The following ACTL8 variants were observed in gnomAD, a reference collection of about 807,000 sequenced individuals.
ACTL8 encodes actin like 8, also known as actin-like protein 8.
A neutral mutation model predicts 9.3 loss-of-function variants in ACTL8; 3 were observed. The observed-to-expected ratio is 0.32, with a 90% CI of 0.15 to 0.83. The LOEUF (loss-of-function observed/expected upper bound fraction) is 0.83. ACTL8 is among the 40% of genes least tolerant of loss of function. The pLI is 0.57. For missense variants in ACTL8, 381 were observed against 492.2 expected (o/e 0.77, Z 2.14); for synonymous variants, 224 against 205.9 (o/e 1.09, Z -0.75).
intron 1 of ACTL8, among the ~76,000 whole-genome samples, chr1:17,817,792 C>G (rs751448647): frequency 1.8e-4 from 27 of 152,086 alleles, no homozygotes; most frequent in Non-Finnish European, 2.9e-4. Context: ...CCTCCATCTC[C>G]TGGGTTCAAG....
At chr1:17,801,907 C>A (rs2066325231) in intron 1 of ACTL8, among the ~76,000 whole-genome samples, 1 of 152,076 alleles carries the variant, frequency 6.6e-6, no homozygotes, top group Non-Finnish European at 1.5e-5. Context: ...ATGCTTTTAC[C>A]CTTATATCTA....
chr1:17,821,080 C>T (rs541917572), intron 1 of ACTL8, among the ~76,000 whole-genome samples: 2 of 152,158 alleles, frequency 1.3e-5, no homozygotes, highest in South Asian at 4.2e-4. Context: ...TATGTGCCAT[C>T]CATCTATCTT....
chr1:17,809,538 A>T (rs1442839978), intron 1 of ACTL8, among the ~76,000 whole-genome samples: 1 of 152,214 alleles, frequency 6.6e-6, no homozygotes, highest in Non-Finnish European at 1.5e-5. Context: ...GTGAGGCTTC[A>T]TCTGTATTTA....
intron 1 of ACTL8, among the ~76,000 whole-genome samples, chr1:17,763,269 C>T (rs916133303): frequency 4.0e-5 from 6 of 151,144 alleles, no homozygotes; most frequent in Non-Finnish European, 7.4e-5. Flanking sequence ...TGTGTGGGGG[C>T]TGTGTTGATG....
chr1:17,793,979 G>A (rs891168965), intron 1 of ACTL8, among the ~76,000 whole-genome samples: 1 of 152,100 alleles, frequency 6.6e-6, no homozygotes, highest in African/African-American at 2.4e-5. Context: ...TTAGAATCTC[G>A]GGATACTTGG....
At chr1:17,792,756 A>G (rs535193889) in intron 1 of ACTL8, among the ~76,000 whole-genome samples, 1 of 152,298 alleles carries the variant, frequency 6.6e-6, no homozygotes, top group East Asian at 1.9e-4. Context: ...TTTTCTTGAC[A>G]TGACTTTAGG....
At position 17,774,805 on chromosome 1, in the gene ACTL8, G is replaced by T. The variant is rs529734383; in HGVS notation, c.-25+19301G>T. On this transcript the variant is annotated intron_variant, in intron 1 of 2. Coordinates refer to ENST00000375406, the MANE Select transcript of ACTL8 (RefSeq NM_030812.3). ...ACAGAGGCACCTGACCCCTGGAGCCGCTGGAAGAGGGCTGAGGGCCGCCTC... is the reference window on the plus strand; with the variant it reads ...ACAGAGGCACCTGACCCCTGGAGCCTCTGGAAGAGGGCTGAGGGCCGCCTC... 3.9e-5 allele frequency among the ~76,000 whole-genome samples: 6 copies of T among 152,244 alleles called. No homozygotes were observed. The South Asian group carries it at 6.2e-4, about 16-fold the overall frequency.
chr1:17,763,767 T>C (rs1168672700), intron 1 of ACTL8, among the ~76,000 whole-genome samples: 3 of 152,208 alleles, frequency 2.0e-5, no homozygotes, highest in African/African-American at 7.2e-5. Flanking sequence ...TCCCTCCCCC[T>C]GCAGAAAAGG....
chr1:17,806,477 C>T (rs1358535564), intron 1 of ACTL8, among the ~76,000 whole-genome samples: 2 of 152,222 alleles, frequency 1.3e-5, no homozygotes, highest in Non-Finnish European at 2.9e-5. Flanking sequence ...CCCTCTGTCC[C>T]TGGAGGCTCT....
intron 1 of ACTL8, among the ~76,000 whole-genome samples, chr1:17,755,830 G>T (rs925572723): frequency 6.6e-6 from 1 of 151,802 alleles, no homozygotes; most frequent in Non-Finnish European, 1.5e-5. Context: ...CCGCCTGGAG[G>T]GGGTTATCTC....
chr1:17,770,501 G>A (rs889976444), intron 1 of ACTL8, among the ~76,000 whole-genome samples: 1 of 152,178 alleles, frequency 6.6e-6, no homozygotes, highest in African/African-American at 2.4e-5. Context: ...TGCTACCTTA[G>A]TCCCCAGTCT....
chr1:17,798,963 C>T (rs1356003594), intron 1 of ACTL8, among the ~76,000 whole-genome samples: 1 of 152,200 alleles, frequency 6.6e-6, no homozygotes, highest in Non-Finnish European at 1.5e-5. Flanking sequence ...TCTGTCTGCA[C>T]TGCTGTGAAG....
At position 17,823,240 on chromosome 1, in the gene ACTL8, G is replaced by A. The variant is rs928368778; in HGVS notation, c.232G>A (p.Val78Met). Residue 78 changes from valine (V) to methionine (M), a missense_variant, in exon 2 of 3, where the codon GTG becomes ATG. Val to Met is a conservative substitution (Grantham distance 21, BLOSUM62 1). This residue lies in a region of ACTL8 where 125 missense variants were observed against 180.7 expected (regional missense o/e 0.69). Transcript: ENST00000375406. This position sits in a 1 kb window ranked among gnomAD's most constrained non-coding sequence, Gnocchi z 5.3. Reference sequence around the variant, plus strand: ...GGGCCGCATCCTCAACTGGGAGGGTGTGCAGTACCTCTGGTCATTTGTGTT... The same window carrying A: ...GGGCCGCATCCTCAACTGGGAGGGTATGCAGTACCTCTGGTCATTTGTGTT... ...ERGRILNWEG[V>M]QYLWSFVLEN... The A allele has an allele frequency of 1.2e-6, 2 of 1,614,054 alleles. No individual in the cohort carries two copies. The highest frequency in any genetic ancestry group is 2.7e-5 in the African/African-American group (2 of 74,918).
At chr1:17,824,893 TGGG>T (rs1405500935) in intron 2 of ACTL8, among the ~76,000 whole-genome samples, 2 of 151,664 alleles carry the variant, frequency 1.3e-5, no homozygotes, top group African/African-American at 4.9e-5. Context: ...AAATGGCTGG[TGGG>T]GGGACAATTT....
intron 1 of ACTL8, among the ~76,000 whole-genome samples, chr1:17,819,126 A>G (rs77623021): frequency 0.02 from 3,045 of 152,186 alleles, 103 homozygotes; most frequent in African/African-American, 0.07. Flanking sequence ...TACCCTTGCC[A>G]TGCGCACCTT....
intron 1 of ACTL8, among the ~76,000 whole-genome samples, chr1:17,802,452 T>TGTGTGTGTGTGTG (rs2066328445): frequency 2.0e-5 from 3 of 147,662 alleles, no homozygotes; most frequent in Admixed American, 6.7e-5. Flanking sequence ...TGTGTGTGTG[T>TGTGTGTGTGTGTG]TGGAGGGCAG....
chr1:17,797,097 T>C (rs2066282803), intron 1 of ACTL8, among the ~76,000 whole-genome samples: 1 of 151,862 alleles, frequency 6.6e-6, no homozygotes, highest in East Asian at 1.9e-4. Flanking sequence ...ACTAAGAAGC[T>C]CTTGTTTAAG....
At chr1:17,803,072 A>G (rs955212278) in intron 1 of ACTL8, among the ~76,000 whole-genome samples, 29 of 152,230 alleles carry the variant, frequency 1.9e-4, no homozygotes, top group African/African-American at 6.8e-4. Context: ...TGTAGTTCCC[A>G]TAATCCCCAT....
At chr1:17,758,986 G>T (rs1030687611) in intron 1 of ACTL8, among the ~76,000 whole-genome samples, 1 of 152,144 alleles carries the variant, frequency 6.6e-6, no homozygotes, top group Non-Finnish European at 1.5e-5. Flanking sequence ...AGTCCATGAC[G>T]ACTCCTGGGC....
Sources: gnomAD v4.1 joint callset for allele counts (sites outside exome capture counted in the v4.1 genomes callset) on GRCh38, gnomAD v4.1.1 for gene constraint, gnomAD v4.1.1 regional missense constraint, Gnocchi (gnomAD v3.1) non-coding constraint, MANE v1.5 for transcripts, NCBI Gene and HGNC (gene_info 2026-07-23, HGNC 2026-07-21) for gene names.